The following RHEB variants were observed in gnomAD, a reference collection of about 807,000 sequenced individuals.
RHEB encodes the protein Ras homolog, mTORC1 binding, also known as GTP-binding protein Rheb.
A neutral mutation model predicts 28.8 loss-of-function variants in RHEB; 2 were observed. The observed-to-expected ratio is 0.07, with a 90% CI of 0.03 to 0.22. RHEB has a LOEUF of 0.22. Ranked by LOEUF, RHEB falls within the 10% of genes least tolerant of loss-of-function variation. RHEB has a pLI of 1.00. For missense variants in RHEB, 76 were observed against 219.9 expected (o/e 0.35, Z 4.14); for synonymous variants, 69 against 77.3 (o/e 0.89, Z 0.56).
At chr7:151,512,911 T>G (rs1803016707) in intron 1 of RHEB, among the ~76,000 whole-genome samples, 1 of 152,176 alleles carries the variant, frequency 6.6e-6, no homozygotes, top group Non-Finnish European at 1.5e-5. Flanking sequence ...GTACTAAGGG[T>G]GCAAAAGCAA....
intron 1 of RHEB, 37 bp downstream of exon 1, chr7:151,519,423 G>C: frequency 7.3e-7 from 1 of 1,370,824 alleles, no homozygotes; most frequent in Admixed American, 2.7e-5. Flanking sequence ...CGAGGCCCCG[G>C]CGGCGCGAGG....
intron 3 of RHEB, among the ~76,000 whole-genome samples, chr7:151,483,301 A>G (rs1445634895): frequency 6.6e-6 from 1 of 152,240 alleles, no homozygotes; most frequent in African/African-American, 2.4e-5. Context: ...AACCCACAGG[A>G]CAGGTCATAT....
rs755720023 is a variant in RHEB at position 151,467,225 on chromosome 7, G to T, written c.463-14C>A. The T allele has an allele frequency of 1.9e-6, 3 of 1,590,434 alleles. No individual in the cohort carries two copies. Among genetic ancestry groups the T allele is most frequent in the Admixed American group, 1.7e-5 (1 of 59,964 alleles). On this transcript the variant is annotated splice_polypyrimidine_tract_variant and intron_variant, in intron 7 of 7. Coordinates refer to ENST00000262187, the MANE Select transcript of RHEB (RefSeq NM_005614.4). ...ATCCACAGCAGTCTGAAAAGAGAAA[G>T]AAACCCAATCACAGTGTTAGTGTGA...
At chr7:151,479,421 G>A (rs989638503) in intron 3 of RHEB, among the ~76,000 whole-genome samples, 28 of 152,072 alleles carry the variant, frequency 1.8e-4, no homozygotes, top group African/African-American at 5.1e-4. Context: ...AATGGCTCAC[G>A]TCTGTAATCC....
intron 1 of RHEB, among the ~76,000 whole-genome samples, chr7:151,504,227 T>C (rs1006324100): frequency 6.6e-6 from 1 of 152,182 alleles, no homozygotes; most frequent in African/African-American, 2.4e-5. Flanking sequence ...CCTATAACCT[T>C]AACCTACTCG....
intron 1 of RHEB, among the ~76,000 whole-genome samples, chr7:151,492,113 A>G (rs1208606559): frequency 6.6e-6 from 1 of 152,176 alleles, no homozygotes; most frequent in African/African-American, 2.4e-5. Context: ...GCATTATTAC[A>G]CACATGCTGT....
At chr7:151,493,886 G>C (rs1252990901) in intron 1 of RHEB, among the ~76,000 whole-genome samples, 2 of 151,624 alleles carry the variant, frequency 1.3e-5, no homozygotes, top group East Asian at 1.9e-4. Flanking sequence ...TGAAAAATTA[G>C]AAGGAGTAAA....
At chr7:151,503,822 G>C (rs2150935415) in intron 1 of RHEB, among the ~76,000 whole-genome samples, 1 of 151,942 alleles carries the variant, frequency 6.6e-6, no homozygotes, top group East Asian at 1.9e-4. Flanking sequence ...TTTAACTGCT[G>C]TAAACCTTCA....
intron 1 of RHEB, among the ~76,000 whole-genome samples, chr7:151,510,462 C>G (rs187274228): frequency 1.2e-3 from 186 of 152,290 alleles, no homozygotes; most frequent in Non-Finnish European, 2.1e-3. Flanking sequence ...AGTTTAAAGG[C>G]TATTAATACA....
intron 1 of RHEB, chr7:151,501,951 A>G: frequency 1.4e-6 from 1 of 695,690 alleles, no homozygotes; most frequent in Non-Finnish European, 2.6e-6. Context: ...AAGAGCTTGG[A>G]GGCGGGCTGG....
intron 1 of RHEB, among the ~76,000 whole-genome samples, chr7:151,508,737 C>G (rs1273727407): frequency 6.6e-6 from 1 of 151,356 alleles, no homozygotes; most frequent in Non-Finnish European, 1.5e-5. Flanking sequence ...GTGGTCCTCT[C>G]ACCTTGGGTC....
At chr7:151,513,778 C>T (rs533337071) in intron 1 of RHEB, among the ~76,000 whole-genome samples, 88 of 152,232 alleles carry the variant, frequency 5.8e-4, no homozygotes, top group South Asian at 2.5e-3. Flanking sequence ...ATTAAAATAA[C>T]GTTAAGGGAA....
intron 1 of RHEB, among the ~76,000 whole-genome samples, chr7:151,503,640 T>G (rs1802812433): frequency 6.6e-6 from 1 of 152,182 alleles, no homozygotes; most frequent in African/African-American, 2.4e-5. Flanking sequence ...ACACTTTGTT[T>G]TGTCATGGTG....
rs1029978014 is a variant in RHEB at position 151,469,873 on chromosome 7, A to C, written c.462+698T>G. 2.0e-4 allele frequency among the ~76,000 whole-genome samples: 30 copies of C among 152,214 alleles called. 1 individual carries two copies. The highest frequency in any genetic ancestry group is 1.5e-5 in the Non-Finnish European group (1 of 68,046). On this transcript the variant is annotated intron_variant, in intron 7 of 7. Transcript: ENST00000262187. ...TCTATAGAGAAGGGGCAGTTCACTG[A>C]CAGTTTCTGAGTAGAGGATGATACC...
At chr7:151,489,832 T>C (rs953460314) in intron 2 of RHEB, among the ~76,000 whole-genome samples, 8 of 152,260 alleles carry the variant, frequency 5.3e-5, no homozygotes, top group Admixed American at 2.0e-4. Context: ...TCTTAGCTCT[T>C]GGTCTGTATA....
intron 1 of RHEB, chr7:151,502,740 C>A (rs1265226584): frequency 1.1e-5 from 17 of 1,571,374 alleles, no homozygotes; most frequent in Non-Finnish European, 1.3e-5. Context: ...GCGTTTTGCC[C>A]GTTTAAAAAT....
intron 1 of RHEB, among the ~76,000 whole-genome samples, chr7:151,507,685 T>A (rs181318997): frequency 8.4e-4 from 128 of 151,772 alleles, no homozygotes; most frequent in African/African-American, 3.0e-3. Flanking sequence ...TGGGAGATTT[T>A]AAAAAAAAGA....
At chr7:151,503,015 A>C in intron 1 of RHEB, 2 of 783,360 alleles carry the variant, frequency 2.6e-6, no homozygotes, top group Non-Finnish European at 4.7e-6. Context: ...AAAGAAATCA[A>C]TAGAACGATA....
intron 1 of RHEB, chr7:151,503,233 G>C (rs1802805215): frequency 3.8e-6 from 3 of 783,804 alleles, no homozygotes; most frequent in Non-Finnish European, 7.1e-6. Context: ...CACAGACAAA[G>C]AGACCGGACA....
Sources: allele counts gnomAD v4.1 joint callset (sites outside exome capture counted in the v4.1 genomes callset), GRCh38; gene constraint gnomAD v4.1.1; transcripts MANE v1.5; gene names NCBI Gene and HGNC (gene_info 2026-07-23, HGNC 2026-07-21).